The following EIF2B3 variants were observed in gnomAD, a reference collection of about 807,000 sequenced individuals.
The protein encoded by EIF2B3 is translation initiation factor eIF2B subunit gamma.
Under a neutral mutation model 54.1 loss-of-function variants are expected in EIF2B3, and 20 were observed. The ratio of observed to expected loss-of-function variants is 0.37; its 90% CI spans 0.26 to 0.54. The LOEUF is 0.54. Among genes scored for constraint, EIF2B3 ranks in the 20% least tolerant of loss-of-function variants. The pLI is 0.86. For synonymous variants in EIF2B3, 153 were observed against 188.1 expected (o/e 0.81, Z 1.52); for missense variants, 448 against 547.8 (o/e 0.82, Z 1.82).
chr1:44,866,875 G>A (rs1418605760), intron 10 of EIF2B3, among the ~76,000 whole-genome samples: 1 of 152,182 alleles, frequency 6.6e-6, no homozygotes, highest in Non-Finnish European at 1.5e-5. Flanking sequence ...TCTTAAGAAA[G>A]CTGCATGGAA....
At chr1:44,966,262 AC>A (rs35793348) in intron 3 of EIF2B3, among the ~76,000 whole-genome samples, 1 of 151,726 alleles carries the variant, frequency 6.6e-6, no homozygotes, top group Non-Finnish European at 1.5e-5. Flanking sequence ...ACATGGTGAA[AC>A]CCTGTCTCTA....
At chr1:44,885,813 C>T (rs1481726475) in intron 6 of EIF2B3, among the ~76,000 whole-genome samples, 3 of 151,868 alleles carry the variant, frequency 2.0e-5, no homozygotes, top group Non-Finnish European at 4.4e-5. Flanking sequence ...TGGCTCACTG[C>T]AACCTCCGCC....
At chr1:44,983,290 C>T (rs1157615300) in intron 1 of EIF2B3, among the ~76,000 whole-genome samples, 1 of 152,182 alleles carries the variant, frequency 6.6e-6, no homozygotes, top group Admixed American at 6.5e-5. Flanking sequence ...TAAAATGTAA[C>T]GTTCAGAAGA....
At chr1:44,882,091 C>T (rs938180216) in intron 6 of EIF2B3, among the ~76,000 whole-genome samples, 2 of 152,200 alleles carry the variant, frequency 1.3e-5, no homozygotes, top group African/African-American at 4.8e-5. Context: ...ACACTGTGAC[C>T]TTATTAGAAT....
chr1:44,876,309 T>C (rs150486999), intron 8 of EIF2B3, among the ~76,000 whole-genome samples: 8,311 of 147,712 alleles, frequency 0.056, 373 homozygotes, highest in Non-Finnish European at 0.088. Flanking sequence ...GGAGCGTCTC[T>C]GCCCGGCCGC....
At chr1:44,903,651 G>A (rs1349606716) in intron 5 of EIF2B3, among the ~76,000 whole-genome samples, 1 of 152,232 alleles carries the variant, frequency 6.6e-6, no homozygotes, top group Non-Finnish European at 1.5e-5. Context: ...CACCCTGTGT[G>A]AACACATTTA....
At chr1:44,859,132 C>G (rs900706479) in intron 10 of EIF2B3, among the ~76,000 whole-genome samples, 2 of 148,420 alleles carry the variant, frequency 1.3e-5, no homozygotes, top group Non-Finnish European at 2.9e-5. Flanking sequence ...GACTCTTTAT[C>G]TCTACACAAA....
At chr1:44,972,244 CACACAA>C (rs147289127) in intron 3 of EIF2B3, among the ~76,000 whole-genome samples, 17 of 114,264 alleles carry the variant, frequency 1.5e-4, no homozygotes, top group East Asian at 7.6e-4. Flanking sequence ...CACACACACA[CACACAA>C]ACACACACAC....
chr1:44,909,069 AT>A (rs1643466787), intron 5 of EIF2B3, among the ~76,000 whole-genome samples: 1 of 152,156 alleles, frequency 6.6e-6, no homozygotes, highest in Non-Finnish European at 1.5e-5. Context: ...CGTGCATAAT[AT>A]TTCTCCTAAA....
intron 5 of EIF2B3, among the ~76,000 whole-genome samples, chr1:44,923,159 T>C (rs921583866): frequency 2.0e-5 from 3 of 152,222 alleles, no homozygotes; most frequent in Non-Finnish European, 4.4e-5. Context: ...GATTATTTCA[T>C]CTGCAAACAC....
intron 3 of EIF2B3, among the ~76,000 whole-genome samples, chr1:44,966,920 C>T (rs1255789004): frequency 6.6e-6 from 1 of 152,004 alleles, no homozygotes; most frequent in Non-Finnish European, 1.5e-5. Context: ...GTCCCAGGTT[C>T]AGGCAATTCT....
At chr1:44,948,767 G>A (rs976600603) in intron 3 of EIF2B3, among the ~76,000 whole-genome samples, 4 of 152,030 alleles carry the variant, frequency 2.6e-5, no homozygotes, top group Non-Finnish European at 5.9e-5. Context: ...ATGATTTTAA[G>A]GGTCTTCAAA....
chr1:44,955,206 C>T lies in EIF2B3; in HGVS notation c.295-13541G>A, dbSNP rs148092727. ...AGTGGAACAGAGGCCTCAGAAATAA[C>T]GCCGCACATCTACAACCATATGATC... On this transcript the variant is annotated intron_variant, in intron 3 of 11. Transcript: ENST00000360403. 2.5e-3 allele frequency among the ~76,000 whole-genome samples: 380 copies of T among 152,166 alleles called. 1 individual carries two copies. Among genetic ancestry groups the T allele is most frequent in the African/African-American group, 8.7e-3 (362 of 41,512 alleles).
intron 4 of EIF2B3, among the ~76,000 whole-genome samples, chr1:44,938,484 C>G (rs994450616): frequency 7.0e-6 from 1 of 143,556 alleles, no homozygotes; most frequent in Non-Finnish European, 1.5e-5. Flanking sequence ...TAATTTCTCT[C>G]TCTCTCTCTC....
intron 3 of EIF2B3, 141 bp from the exon 4 acceptor site, chr1:44,941,806 A>G (rs1644026538): frequency 1.0e-6 from 1 of 997,386 alleles, no homozygotes; most frequent in South Asian, 1.4e-5. Context: ...AACAAGTAAA[A>G]TAAATGGGGT....
chr1:44,952,664 T>C (rs1644179412), intron 3 of EIF2B3, among the ~76,000 whole-genome samples: 1 of 151,392 alleles, frequency 6.6e-6, no homozygotes, highest in African/African-American at 2.4e-5. Flanking sequence ...GCCATTCTCC[T>C]GCCTCAGCCT....
At chr1:44,985,427 G>A (rs1308370282) in intron 1 of EIF2B3, among the ~76,000 whole-genome samples, 1 of 152,048 alleles carries the variant, frequency 6.6e-6, no homozygotes, top group Non-Finnish European at 1.5e-5. Flanking sequence ...GCACGTATGT[G>A]TTTAAATGTC....
chr1:44,867,855 AG>A (rs1448156659), intron 10 of EIF2B3, among the ~76,000 whole-genome samples: 2 of 148,628 alleles, frequency 1.3e-5, no homozygotes, highest in African/African-American at 5.0e-5. Context: ...GGCAACACAG[AG>A]ATTCTGTCTC....
At chr1:44,939,351 C>A (rs548152880) in intron 4 of EIF2B3, among the ~76,000 whole-genome samples, 1 of 152,034 alleles carries the variant, frequency 6.6e-6, no homozygotes, top group Non-Finnish European at 1.5e-5. Flanking sequence ...GATAAAGGAT[C>A]CAGCTTAAAG....
Sources: allele counts gnomAD v4.1 joint callset (sites outside exome capture counted in the v4.1 genomes callset), GRCh38; gene constraint gnomAD v4.1.1; transcripts MANE v1.5; gene names NCBI Gene and HGNC (gene_info 2026-07-23, HGNC 2026-07-21).